UBA6: variants seen among roughly 807,000 people sequenced by gnomAD.
UBA6 encodes the protein ubiquitin-like modifier-activating enzyme 6.
A neutral mutation model predicts 148.3 loss-of-function variants in UBA6; 87 were observed. That is an observed-to-expected ratio of 0.59 (90% CI 0.49 to 0.70). The LOEUF (loss-of-function observed/expected upper bound fraction) is 0.70. Ranked by LOEUF, UBA6 falls within the 30% of genes least tolerant of loss-of-function variation. The pLI, the probability that UBA6 is intolerant of heterozygous loss-of-function variation, is 0.00. For missense variants in UBA6, 1,186 were observed against 1,241.2 expected, an observed-to-expected ratio of 0.96 and a Z score of 0.67; for synonymous variants, 376 against 401.0, an observed-to-expected ratio of 0.94 and a Z score of 0.75.
chr4:67,692,611 A>G (rs890769205), intron 2 of UBA6, among the ~76,000 whole-genome samples: 1 of 152,202 alleles, frequency 6.6e-6, no homozygotes, highest in Non-Finnish European at 1.5e-5. Context: ...GTACCTTGCC[A>G]GCAAGAACTT....
rs571508806 is a variant in UBA6 at position 67,632,355 on chromosome 4, C to T, written c.2143-447G>A. On this transcript the variant is annotated intron_variant, in intron 23 of 32. Coordinates refer to ENST00000322244, the MANE Select transcript of UBA6 (RefSeq NM_018227.6). ...TCACCTGGGGGAAGGTAAGAATGAA[C>T]GGGAATGGTGATGAAACAAGATTTA... is the stretch of plus-strand genomic sequence containing the variant. 2.2e-4 allele frequency among the ~76,000 whole-genome samples: 33 copies of T among 152,086 alleles called. 1 individual carries two copies. The South Asian group carries it at 3.7e-3, about 17-fold the overall frequency.
chr4:67,634,948 C>T (rs1423355999), intron 20 of UBA6, among the ~76,000 whole-genome samples: 1 of 152,076 alleles, frequency 6.6e-6, no homozygotes, highest in Non-Finnish European at 1.5e-5. Context: ...GAAATATGTC[C>T]TCAATGCTTG....
chr4:67,673,866 T>C, intron 6 of UBA6, 89 bp from the exon 7 acceptor site: 4 of 852,448 alleles, frequency 4.7e-6, no homozygotes, highest in Non-Finnish European at 7.3e-6. Flanking sequence ...GTTTGCGTTG[T>C]GCTAAAGACA....
Position 67,661,080 on chromosome 4 carries a change from T to A in UBA6, c.1104+1109A>T, listed in dbSNP as rs1029527410. Among the ~76,000 whole-genome samples, 8 of 152,166 alleles carry A rather than the reference T, an allele frequency of 5.3e-5. No homozygotes were observed. In the South Asian group the frequency reaches 1.7e-3, roughly 31 times the overall value. ...CTGTACCCTCACTGTATCTAGGAAGTAACTAACTTGCTTCTGATTTTACAG... is the reference window on the plus strand; with the variant it reads ...CTGTACCCTCACTGTATCTAGGAAGAAACTAACTTGCTTCTGATTTTACAG... On this transcript the variant is annotated intron_variant, in intron 13 of 32. Transcript: ENST00000322244.
At chr4:67,658,175 G>A (rs1394694422) in intron 13 of UBA6, among the ~76,000 whole-genome samples, 3 of 152,102 alleles carry the variant, frequency 2.0e-5, no homozygotes, top group South Asian at 4.1e-4. Context: ...ATTTGACCCA[G>A]GAATGCCATT....
At chr4:67,676,862 C>A (rs1175450834) in intron 6 of UBA6, among the ~76,000 whole-genome samples, 3 of 151,266 alleles carry the variant, frequency 2.0e-5, no homozygotes, top group Non-Finnish European at 4.4e-5. Context: ...GAAGTCTATA[C>A]CCATTTTTAA....
intron 10 of UBA6, 88 bp downstream of exon 10, chr4:67,665,099 ATC>A: frequency 1.5e-6 from 1 of 674,810 alleles, no homozygotes; most frequent in Non-Finnish European, 2.4e-6. Flanking sequence ...TCCACATTTA[ATC>A]TGTTTGGTTA....
At chr4:67,639,314 T>A (rs1310337408) in intron 18 of UBA6, among the ~76,000 whole-genome samples, 190 bp from the exon 19 acceptor site, 1 of 152,188 alleles carries the variant, frequency 6.6e-6, no homozygotes, top group East Asian at 1.9e-4. Flanking sequence ...ACTACATTAA[T>A]AATGCACATT....
chr4:67,646,065 T>C, intron 15 of UBA6, 49 bp from the exon 16 acceptor site: 1 of 1,102,646 alleles, frequency 9.1e-7, no homozygotes. Flanking sequence ...AACATTAAAA[T>C]TAGTTTCACT....
chr4:67,662,346 A>G (rs1729881381), intron 12 of UBA6, 91 bp from the exon 13 acceptor site: 8 of 1,167,522 alleles, frequency 6.9e-6, no homozygotes. Context: ...GGAAATATAT[A>G]AAAGAATGTG....
In UBA6 at chr4:67,663,150, C is replaced by T. The variant is rs1729905066; in HGVS notation, c.1026G>A (p.Lys342=). Residue 342 remains lysine (K), a synonymous_variant, in exon 12 of 33, where the codon AAG becomes AAA. Transcript: ENST00000322244. ...ACTTAAAACATTACCCAACATTTGG[C>T]TTGCGACTGTATTTCTCCTGAAACT... ...LDQFQEKYSR[K]PNVGCQQDSE... The T allele has an allele frequency of 6.2e-7, 1 of 1,609,974 alleles. No individual in the cohort carries two copies. Among genetic ancestry groups the T allele is most frequent in the Admixed American group, 1.7e-5 (1 of 59,050 alleles).
At chr4:67,687,481 T>G (rs1420419440) in intron 2 of UBA6, among the ~76,000 whole-genome samples, 3 of 152,238 alleles carry the variant, frequency 2.0e-5, no homozygotes, top group African/African-American at 7.2e-5. Context: ...GCCATGTTAA[T>G]TCTACTGTAC....
chr4:67,694,923 T>C (rs932655647), intron 2 of UBA6, among the ~76,000 whole-genome samples: 6 of 152,168 alleles, frequency 3.9e-5, no homozygotes, highest in Non-Finnish European at 8.8e-5. Flanking sequence ...AAAGATACTC[T>C]CCGTCAAACA....
In UBA6 at chr4:67,674,872, G is replaced by GTT. The variant is rs568561710; in HGVS notation, c.466-1097_466-1096dup. Among the ~76,000 whole-genome samples, 810 of 147,934 alleles carry GTT rather than the reference G, an allele frequency of 5.5e-3. 2 individuals are homozygous for GTT. The highest frequency in any genetic ancestry group is 6.1e-3 in the Non-Finnish European group (408 of 66,580). On this transcript the variant is annotated intron_variant, in intron 6 of 32. Coordinates refer to ENST00000322244, the MANE Select transcript of UBA6 (RefSeq NM_018227.6). ...ATATTTTCTCTTATTTCTGTTTTGGGTTTTTTTTTTGAGACACAGTCTCAC... is the reference window on the plus strand; with the variant it reads ...ATATTTTCTCTTATTTCTGTTTTGGGTTTTTTTTTTTTGAGACACAGTCTCAC...
In UBA6 at chr4:67,665,397, A is replaced by G. The variant is rs146928085; in HGVS notation, c.794-105T>C. ...AATTATCCCTAATTTACAAAATTAA[A>G]GAATTCCAGCATAGTGTTTTTTTTT... On this transcript the variant is annotated intron_variant, in intron 9 of 32. Transcript: ENST00000322244. The G allele has an allele frequency of 2.6e-4, 189 of 720,846 alleles. No individual in the cohort carries two copies. In the African/African-American group the frequency reaches 3.3e-3, roughly 13 times the overall value. The allele number at this position is 720,846 out of a possible 1,614,324, so 44.7% of individuals were successfully genotyped here.
chr4:67,699,971 T>C (rs1289498463), intron 1 of UBA6, among the ~76,000 whole-genome samples: 1 of 152,168 alleles, frequency 6.6e-6, no homozygotes, highest in Non-Finnish European at 1.5e-5. Flanking sequence ...CTGTTTTCCT[T>C]GCATGGCGGG....
chr4:67,677,640 T>A lies in UBA6; in HGVS notation c.436A>T (p.Thr146Ser). The change falls in exon 6 of 33, where the codon ACA becomes TCA. Residue 146 changes from threonine (T) to serine (S), a missense_variant. Transcript: ENST00000322244. ...TSSSVPFNET[T>S]DLSFLDKYQC... ...TATTTATCTAAAAAGGAGAGATCTG[T>A]GGTCTCATTGAAAGGAACAGAAGAT... 2 of 1,595,122 alleles carry A rather than the reference T, an allele frequency of 1.3e-6. No homozygotes were observed. Among genetic ancestry groups the A allele is most frequent in the Non-Finnish European group, 1.7e-6 (2 of 1,164,774 alleles).
chr4:67,646,770 T>C lies in UBA6; in HGVS notation c.1270A>G (p.Ile424Val). The C allele has an allele frequency of 1.9e-6, 3 of 1,605,590 alleles. No individual in the cohort carries two copies. Among genetic ancestry groups the C allele is most frequent in the Non-Finnish European group, 2.6e-6 (3 of 1,175,994 alleles). ...CQWLYLEAADIVESLGKPECE... is the reference protein window; with the variant it reads ...CQWLYLEAADVVESLGKPECE... ...TCAGGTTTGCCTAGTGATTCAACAATATCTGCTGCTTCAAGATATAACTTA... is the reference window on the plus strand; with the variant it reads ...TCAGGTTTGCCTAGTGATTCAACAACATCTGCTGCTTCAAGATATAACTTA... The change falls in exon 15 of 33, where the codon ATT (isoleucine) becomes GTT (valine). Residue 424 changes from isoleucine to valine, a missense_variant. By Grantham distance (29) the Ile-to-Val change is conservative (BLOSUM62 3). Coordinates refer to ENST00000322244, the MANE Select transcript of UBA6 (RefSeq NM_018227.6).
chr4:67,622,047 G>C (rs1728763976), intron 32 of UBA6, among the ~76,000 whole-genome samples: 1 of 152,116 alleles, frequency 6.6e-6, no homozygotes, highest in Admixed American at 6.5e-5. Context: ...CTAAAGCAAA[G>C]GTCCCATGCT....
Sources: allele counts gnomAD v4.1 joint callset (sites outside exome capture counted in the v4.1 genomes callset), GRCh38; gene constraint gnomAD v4.1.1; transcripts MANE v1.5; gene names NCBI Gene and HGNC (gene_info 2026-07-23, HGNC 2026-07-21).